The following RMDN1 variants were observed in gnomAD, a reference collection of about 807,000 sequenced individuals.
The protein encoded by RMDN1 is regulator of microtubule dynamics 1, also known as regulator of microtubule dynamics protein 1.
A neutral mutation model predicts 48.9 loss-of-function variants in RMDN1; 48 were observed. The observed-to-expected ratio is 0.98, with a 90% CI of 0.78 to 1.25. The LOEUF is 1.25. Among genes scored for constraint, RMDN1 ranks in the 50% most tolerant of loss-of-function variants. RMDN1 has a pLI of 0.00. For synonymous variants in RMDN1, 148 were observed against 132.6 expected, an observed-to-expected ratio of 1.12 and a Z score of -0.80; for missense variants, 418 against 373.4, an observed-to-expected ratio of 1.12 and a Z score of -0.98.
Position 86,503,377 on chromosome 8 carries a change from AAAAAAAAAAAAAC to A in RMDN1, c.247+3605_247+3617del, listed in dbSNP as rs1297721938. ...AAAACAAAACAAAACAAAACAAAAA[AAAAAAAAAAAAAC>A]AAAAAAAAATAACAAAAATAACTTG... On this transcript the variant is annotated intron_variant, in intron 2 of 9. Coordinates refer to ENST00000406452, the MANE Select transcript of RMDN1 (RefSeq NM_016033.3). 1.9e-4 allele frequency among the ~76,000 whole-genome samples: 21 copies of A among 113,456 alleles called. 1 individual carries two copies. In the East Asian group the frequency reaches 2.6e-3, roughly 14 times the overall value. The allele number at this position is 113,456 out of a possible 152,430, so 74.4% of individuals were successfully genotyped here.
intron 3 of RMDN1, among the ~76,000 whole-genome samples, chr8:86,488,314 T>A (rs1815840076): frequency 6.6e-6 from 1 of 151,812 alleles, no homozygotes; most frequent in South Asian, 2.1e-4. Context: ...AATGGAAAAA[T>A]CAAAAAAAAT....
In RMDN1 at chr8:86,477,609, G is replaced by A. The variant is rs535375994; in HGVS notation, c.730-285C>T. Reference sequence around the variant, plus strand: ...TGCAGAAAGGAAAGAACATTATCACGTGTAACTCAGCTATTTTGACAGTTC... The same window carrying A: ...TGCAGAAAGGAAAGAACATTATCACATGTAACTCAGCTATTTTGACAGTTC... On this transcript the variant is annotated intron_variant, in intron 7 of 9. Transcript: ENST00000406452. 3.9e-5 allele frequency among the ~76,000 whole-genome samples: 6 copies of A among 152,240 alleles called. No individual in the cohort carries two copies. The South Asian group carries it at 1.0e-3, about 26-fold the overall frequency.
chr8:86,483,783 TAATCTCAA>T (rs1468228756), intron 5 of RMDN1, among the ~76,000 whole-genome samples: 1 of 151,262 alleles, frequency 6.6e-6, no homozygotes, highest in Non-Finnish European at 1.5e-5. Context: ...TTCCTTCCTA[TAATCTCAA>T]AAGAGAAATA....
intron 5 of RMDN1, chr8:86,482,400 C>T (rs936747801): frequency 1.5e-5 from 6 of 409,574 alleles, no homozygotes; most frequent in Non-Finnish European, 2.7e-5. Flanking sequence ...GACTCTGTCT[C>T]AAACAAAAAA....
chr8:86,489,496 A>G (rs1816092606), intron 2 of RMDN1, among the ~76,000 whole-genome samples: 1 of 152,194 alleles, frequency 6.6e-6, no homozygotes, highest in Non-Finnish European at 1.5e-5. Flanking sequence ...CAATGTGTAT[A>G]CACTTGGTAT....
downstream of RMDN1, among the ~76,000 whole-genome samples, chr8:86,469,718 C>T (rs1332460427): frequency 2.0e-5 from 3 of 152,168 alleles, no homozygotes; most frequent in Admixed American, 2.0e-4. Context: ...ACTAAAAGTT[C>T]TCCTGTAACA....
chr8:86,468,302 G>C (rs968442766), downstream of RMDN1: 2 of 421,456 alleles, frequency 4.7e-6, no homozygotes, highest in African/African-American at 4.2e-5. Context: ...TCTACATATT[G>C]AGAGTGTGTT....
Position 86,473,451 on chromosome 8 carries a change from T to A in RMDN1, c.*857A>T. 1.0e-6 allele frequency: 1 copy of A among 985,390 alleles called. No individual in the cohort carries two copies. Among genetic ancestry groups the A allele is most frequent in the African/African-American group, 1.7e-5 (1 of 57,342 alleles). 61.0% of individuals were successfully genotyped at this position (985,390 alleles called of 1,614,324 possible). ...TTTGCATCTGATGACAAATTCAGTTTACCATGAGACTACACCACATTTAAA... is the reference window on the plus strand; with the variant it reads ...TTTGCATCTGATGACAAATTCAGTTAACCATGAGACTACACCACATTTAAA... On this transcript the variant is annotated 3_prime_UTR_variant, in exon 10 of 10. Coordinates refer to ENST00000406452, the MANE Select transcript of RMDN1 (RefSeq NM_016033.3).
intron 2 of RMDN1, among the ~76,000 whole-genome samples, chr8:86,501,014 A>C (rs185036857): frequency 6.6e-6 from 1 of 152,292 alleles, no homozygotes; most frequent in East Asian, 1.9e-4. Flanking sequence ...CATGGACACA[A>C]AGACAAGAAC....
At chr8:86,505,434 T>C in intron 2 of RMDN1, 1 of 452,712 alleles carries the variant, frequency 2.2e-6, no homozygotes, top group South Asian at 1.6e-5. Context: ...CTCAGACTTA[T>C]CAGGAAGAAG....
At chr8:86,488,045 C>T (rs1178955597) in intron 3 of RMDN1, among the ~76,000 whole-genome samples, 4 of 152,120 alleles carry the variant, frequency 2.6e-5, no homozygotes, top group African/African-American at 4.8e-5. Flanking sequence ...AATGAGTACA[C>T]ACTGATATTC....
Position 86,497,625 on chromosome 8 carries a change from C to T in RMDN1, c.248-8986G>A, listed in dbSNP as rs561575267. Among the ~76,000 whole-genome samples the T allele has an allele frequency of 1.5e-3, 219 of 150,296 alleles. 1 individual carries two copies. The highest frequency in any genetic ancestry group is 4.9e-3 in the African/African-American group (199 of 40,942). On this transcript the variant is annotated intron_variant, in intron 2 of 9. Transcript: ENST00000406452. ...CCAAGGCAGGAGAATTGCTTGAACT[C>T]GGGAGGCGGAGGCTGCAGTGAGCTG...
At chr8:86,471,147 CTT>C (rs201332051), downstream of RMDN1, among the ~76,000 whole-genome samples, 43 of 128,394 alleles carry the variant, frequency 3.3e-4, no homozygotes, top group Middle Eastern at 4.4e-3. Context: ...TACACAGGAT[CTT>C]TTTTTTTTTT....
chr8:86,491,511 C>G (rs1816494724), intron 2 of RMDN1, among the ~76,000 whole-genome samples: 1 of 152,164 alleles, frequency 6.6e-6, no homozygotes, highest in East Asian at 1.9e-4. Flanking sequence ...CTCCACATAT[C>G]CGCAAATCAG....
chr8:86,470,291 C>A (rs1418745978), downstream of RMDN1: 1 of 1,289,168 alleles, frequency 7.8e-7, no homozygotes, highest in Non-Finnish European at 1.0e-6. Context: ...CAAGAACAAT[C>A]AGGTGGGGGC....
Position 86,472,718 on chromosome 8 carries a change from C to T in RMDN1, c.*1590G>A. ...ATGTCATATTTTTTACTGTTAAGTA[C>T]TTATGCATGAATAAGTATAAGAAAA... On this transcript the variant is annotated 3_prime_UTR_variant, in exon 10 of 10. Transcript: ENST00000406452. The T allele has an allele frequency of 2.1e-6, 1 of 477,798 alleles. No individual in the cohort carries two copies. The highest frequency in any genetic ancestry group is 3.7e-6 in the Non-Finnish European group (1 of 271,970). 29.6% of individuals were successfully genotyped at this position (477,798 alleles called of 1,614,324 possible). A position where few individuals can be genotyped will look rare whatever the true frequency, so the allele number is the denominator to read the frequency against.
intron 2 of RMDN1, chr8:86,505,512 C>T: frequency 3.1e-6 from 1 of 327,138 alleles, no homozygotes. Context: ...CCATATAGCT[C>T]TACAAGGCAA....
In RMDN1 at chr8:86,479,008, C is replaced by T; in HGVS notation, c.644G>A (p.Cys215Tyr). ...CCAAGGCATTTCGGCAAATGTATAG[C>T]ACCTACAGGGAAATAAAACAATTTT... ...ATSIHLMGIWCYTFAEMPWYQ... is the reference protein window; with the variant it reads ...ATSIHLMGIWYYTFAEMPWYQ... Residue 215 changes from cysteine (C) to tyrosine (Y), a missense_variant and splice_region_variant, in exon 7 of 10, where the codon TGC (cysteine) becomes TAC (tyrosine). By Grantham distance (194) the Cys-to-Tyr change is radical (BLOSUM62 -2). Transcript: ENST00000406452. 6.2e-7 allele frequency: 1 copy of T among 1,611,650 alleles called. No homozygotes were observed. The highest frequency in any genetic ancestry group is 8.5e-7 in the Non-Finnish European group (1 of 1,178,194).
At chr8:86,494,999 A>G (rs1377386610) in intron 2 of RMDN1, 1 of 386,570 alleles carries the variant, frequency 2.6e-6, no homozygotes, top group South Asian at 2.0e-5. Context: ...ACAAATATGT[A>G]GTAACTTTTT....
Sources: gnomAD v4.1 joint callset for allele counts (sites outside exome capture counted in the v4.1 genomes callset) on GRCh38, gnomAD v4.1.1 for gene constraint, MANE v1.5 for transcripts, NCBI Gene and HGNC (gene_info 2026-07-23, HGNC 2026-07-21) for gene names.